PTPN1: variants seen among roughly 807,000 people sequenced by gnomAD.
The protein encoded by PTPN1 is tyrosine-protein phosphatase non-receptor type 1.
In PTPN1, 12 loss-of-function variants were observed where a neutral mutation model predicts 59.9. The observed-to-expected ratio is 0.20, with a 90% CI of 0.13 to 0.32. PTPN1 has a LOEUF of 0.32. PTPN1 is among the 10% of genes least tolerant of loss of function. The probability of loss-of-function intolerance (pLI) is 1.00; values close to 1 mark genes in which losing one functional copy is unlikely to be tolerated. For missense variants in PTPN1, 356 were observed against 549.2 expected, an observed-to-expected ratio of 0.65 and a Z score of 3.52; for synonymous variants, 178 against 203.6, an observed-to-expected ratio of 0.87 and a Z score of 1.07.
At chr20:50,549,778 A>T (rs2082694365) in intron 1 of PTPN1, among the ~76,000 whole-genome samples, 1 of 152,134 alleles carries the variant, frequency 6.6e-6, no homozygotes. Flanking sequence ...TTAGCATTTC[A>T]TATTAAGTAT....
At chr20:50,513,845 C>G (rs75513402) in intron 1 of PTPN1, among the ~76,000 whole-genome samples, 3 of 151,634 alleles carry the variant, frequency 2.0e-5, no homozygotes, top group Non-Finnish European at 4.4e-5. Context: ...GGAAAAAAAA[C>G]TATTTTATGC....
intron 3 of PTPN1, among the ~76,000 whole-genome samples, chr20:50,566,619 T>C (rs1010448641): frequency 4.6e-5 from 7 of 152,128 alleles, no homozygotes; most frequent in East Asian, 1.9e-4. Flanking sequence ...CATTTTTTTT[T>C]CAGTGGTGTT....
intron 1 of PTPN1, among the ~76,000 whole-genome samples, chr20:50,550,343 C>T (rs1601402214): frequency 2.0e-5 from 3 of 152,246 alleles, no homozygotes; most frequent in South Asian, 2.1e-4. Context: ...TTGTAGTTCC[C>T]TGAAGTTCCA....
intron 4 of PTPN1, 100 bp from the exon 5 acceptor site, chr20:50,574,417 C>A: frequency 8.0e-7 from 1 of 1,252,860 alleles, no homozygotes; most frequent in Non-Finnish European, 1.1e-6. Flanking sequence ...ACCCCCAGGC[C>A]TTTGAGTTAT....
intron 4 of PTPN1, chr20:50,570,998 T>A (rs1280431874): frequency 6.6e-6 from 1 of 152,274 alleles, no homozygotes; most frequent in African/African-American, 2.4e-5. Context: ...TATTTATTTC[T>A]TTGTTGCTAA....
intron 1 of PTPN1, among the ~76,000 whole-genome samples, chr20:50,532,914 T>C (rs939149778): frequency 6.6e-6 from 1 of 152,212 alleles, no homozygotes; most frequent in African/African-American, 2.4e-5. Context: ...ATTGCTGGGT[T>C]GGAGATCAGT....
chr20:50,527,954 A>G (rs968626211), intron 1 of PTPN1, among the ~76,000 whole-genome samples: 2 of 151,910 alleles, frequency 1.3e-5, no homozygotes, highest in African/African-American at 4.8e-5. Context: ...CATCTCATTC[A>G]CTCACCCAGG....
intron 1 of PTPN1, among the ~76,000 whole-genome samples, chr20:50,551,979 C>T (rs1057121063): frequency 2.6e-5 from 4 of 152,106 alleles, no homozygotes; most frequent in African/African-American, 9.7e-5. Flanking sequence ...GTTATTTAAT[C>T]TTTGGTTAGC....
chr20:50,561,926 C>G (rs989267642), intron 2 of PTPN1, among the ~76,000 whole-genome samples: 1 of 152,178 alleles, frequency 6.6e-6, no homozygotes, highest in Admixed American at 6.5e-5. Flanking sequence ...CCCCCGCCAA[C>G]CTCATCATTT....
At chr20:50,530,872 T>C (rs934801431) in intron 1 of PTPN1, among the ~76,000 whole-genome samples, 1 of 152,010 alleles carries the variant, frequency 6.6e-6, no homozygotes, top group Non-Finnish European at 1.5e-5. Flanking sequence ...TGTTTTTTTA[T>C]TTTTTATTTT....
intron 1 of PTPN1, among the ~76,000 whole-genome samples, chr20:50,513,750 GAT>G (rs2082517037): frequency 1.3e-5 from 2 of 152,172 alleles, no homozygotes; most frequent in East Asian, 3.9e-4. Flanking sequence ...ATTCCTTACT[GAT>G]ATACAGCTTA....
Position 50,574,371 on chromosome 20 carries a change from A to G in PTPN1, c.355-146A>G, listed in dbSNP as rs569863396. The G allele has an allele frequency of 5.2e-6, 4 of 772,146 alleles. No individual in the cohort carries two copies. The South Asian group carries it at 6.9e-5, about 13-fold the overall frequency. 47.8% of individuals were successfully genotyped at this position (772,146 alleles called of 1,614,324 possible). ...CCCCACCCCCATCTCCCCATGAGGCAGGCATCTGTGCTGACCATGGCTTCC... is the reference window on the plus strand; with the variant it reads ...CCCCACCCCCATCTCCCCATGAGGCGGGCATCTGTGCTGACCATGGCTTCC... On this transcript the variant is annotated intron_variant, in intron 4 of 9. Coordinates refer to ENST00000371621, the MANE Select transcript of PTPN1 (RefSeq NM_002827.4).
intron 5 of PTPN1, among the ~76,000 whole-genome samples, chr20:50,575,368 A>G (rs1035716661): frequency 6.6e-6 from 1 of 152,190 alleles, no homozygotes; most frequent in Non-Finnish European, 1.5e-5. Flanking sequence ...CCACCTTACT[A>G]GCTCATCACA....
At chr20:50,566,974 G>A (rs2082782159) in intron 3 of PTPN1, among the ~76,000 whole-genome samples, 1 of 152,198 alleles carries the variant, frequency 6.6e-6, no homozygotes, top group African/African-American at 2.4e-5. Context: ...AGAGTTAAAT[G>A]TGGTCTGCTT....
At position 50,582,793 on chromosome 20, in the gene PTPN1, G is replaced by A. The variant is rs185308629; in HGVS notation, c.*78G>A. Reference sequence around the variant, plus strand: ...CCCACGCCCGACTAGCAGGCATGCCGCGGTAGGTAAGGGCCGCCGGACCGC... The same window carrying A: ...CCCACGCCCGACTAGCAGGCATGCCACGGTAGGTAAGGGCCGCCGGACCGC... On this transcript the variant is annotated 3_prime_UTR_variant, in exon 10 of 10. Coordinates refer to ENST00000371621, the MANE Select transcript of PTPN1 (RefSeq NM_002827.4). This position sits in a 1 kb window ranked among gnomAD's most constrained non-coding sequence, Gnocchi z 4.2. 5.7e-6 allele frequency: 9 copies of A among 1,582,198 alleles called. No individual in the cohort carries two copies. Among genetic ancestry groups the A allele is most frequent in the South Asian group, 2.3e-5 (2 of 88,496 alleles).
rs567859706 is a variant in PTPN1 at position 50,561,243 on chromosome 20, A to G, written c.64-120A>G. 2.8e-3 allele frequency: 2,090 copies of G among 754,632 alleles called. 5 individuals carry two copies. Among genetic ancestry groups the G allele is most frequent in the Non-Finnish European group, 3.4e-3 (1,550 of 460,616 alleles). 46.7% of individuals were successfully genotyped at this position (754,632 alleles called of 1,614,324 possible). On this transcript the variant is annotated intron_variant, in intron 1 of 9. Coordinates refer to ENST00000371621, the MANE Select transcript of PTPN1 (RefSeq NM_002827.4). ...TCGGTTTTCCCCCATGGCCTGGTAC[A>G]TACCTCTGAATTATCACCTTGCATT...
At chr20:50,558,728 G>A (rs760967073) in intron 1 of PTPN1, among the ~76,000 whole-genome samples, 3 of 152,048 alleles carry the variant, frequency 2.0e-5, no homozygotes, top group Non-Finnish European at 4.4e-5. Context: ...TTAGGTCATG[G>A]TTGGTATGGC....
At chr20:50,520,538 A>G (rs2082546706) in intron 1 of PTPN1, among the ~76,000 whole-genome samples, 1 of 152,208 alleles carries the variant, frequency 6.6e-6, no homozygotes, top group Admixed American at 6.5e-5. Context: ...CCACGCCTGC[A>G]ATGTACTGAA....
chr20:50,539,123 C>T, intron 1 of PTPN1, among the ~76,000 whole-genome samples: 1 of 150,816 alleles, frequency 6.6e-6, no homozygotes. Flanking sequence ...GCAACCTCCA[C>T]CTTCTGGGTT....
Sources: gnomAD v4.1 joint callset for allele counts (sites outside exome capture counted in the v4.1 genomes callset) on GRCh38, gnomAD v4.1.1 for gene constraint, Gnocchi (gnomAD v3.1) non-coding constraint, MANE v1.5 for transcripts, NCBI Gene and HGNC (gene_info 2026-07-23, HGNC 2026-07-21) for gene names.